Variants in CACNA1G observed in about 807,000 individuals in gnomAD.
The protein encoded by CACNA1G is voltage-dependent T-type calcium channel subunit alpha-1G.
A neutral mutation model predicts 219.4 loss-of-function variants in CACNA1G; 67 were observed. The ratio of observed to expected loss-of-function variants is 0.31; its 90% CI spans 0.25 to 0.37. CACNA1G has a LOEUF of 0.37. CACNA1G is among the 10% of genes least tolerant of loss of function. The pLI is 1.00. For missense variants in CACNA1G, 2,380 were observed against 3,231.4 expected (o/e 0.74, Z 6.39); for synonymous variants, 1,296 against 1,345.3 (o/e 0.96, Z 0.80).
intron 9 of CACNA1G, among the ~76,000 whole-genome samples, chr17:50,590,189 C>G (rs1247221566): frequency 6.6e-6 from 1 of 152,152 alleles, no homozygotes; most frequent in Non-Finnish European, 1.5e-5. Flanking sequence ...TAGGGCGGAA[C>G]CCACACCACA....
chr17:50,582,199 AC>A (rs1179640875), intron 9 of CACNA1G, among the ~76,000 whole-genome samples: 1 of 152,200 alleles, frequency 6.6e-6, no homozygotes, highest in Non-Finnish European at 1.5e-5. Context: ...CTTAACCCAG[AC>A]CAGAGAAGGA....
intron 9 of CACNA1G, among the ~76,000 whole-genome samples, chr17:50,584,498 G>A (rs1405479598): frequency 6.6e-6 from 1 of 151,876 alleles, no homozygotes; most frequent in Non-Finnish European, 1.5e-5. Context: ...GAATGAGTCT[G>A]GAGTCCCACA....
intron 9 of CACNA1G, among the ~76,000 whole-genome samples, chr17:50,587,978 G>C (rs2043335015): frequency 6.6e-6 from 1 of 152,166 alleles, no homozygotes; most frequent in African/African-American, 2.4e-5. Context: ...CACAGTAGTA[G>C]TCGGACTTTT....
chr17:50,582,314 C>T (rs1265362255), intron 9 of CACNA1G, among the ~76,000 whole-genome samples: 4 of 152,112 alleles, frequency 2.6e-5, no homozygotes, highest in Non-Finnish European at 4.4e-5. Context: ...ATGAGGGCTC[C>T]GGCAGTGGTC....
intron 1 of CACNA1G, among the ~76,000 whole-genome samples, chr17:50,567,111 C>T (rs1471213917): frequency 1.3e-5 from 2 of 152,242 alleles, no homozygotes; most frequent in Non-Finnish European, 2.9e-5. Context: ...CAGGGTGACC[C>T]CTGGCTGACC....
chr17:50,585,489 G>T (rs1408224029), intron 9 of CACNA1G, among the ~76,000 whole-genome samples: 2 of 152,170 alleles, frequency 1.3e-5, no homozygotes, highest in African/African-American at 2.4e-5. Context: ...TGGGGGTGCT[G>T]GTGGGGGGAA....
intron 35 of CACNA1G, among the ~76,000 whole-genome samples, chr17:50,623,263 ATTTTTTTTTTTT>A (rs35058899): frequency 1.7e-3 from 89 of 50,984 alleles, no homozygotes; most frequent in African/African-American, 6.8e-3. Context: ...TATCCAGCTA[ATTTTTTTTTTTT>A]TTTTTTTTTT....
intron 34 of CACNA1G, 36 bp downstream of exon 34, chr17:50,619,862 C>T (rs747909298): frequency 3.8e-5 from 59 of 1,564,072 alleles, no homozygotes; most frequent in Non-Finnish European, 5.0e-5. Context: ...TCTCCCCTGA[C>T]CGTGCTGGGC....
chr17:50,625,232 G>C (rs1414621850), intron 37 of CACNA1G, among the ~76,000 whole-genome samples: 1 of 152,212 alleles, frequency 6.6e-6, no homozygotes, highest in African/African-American at 2.4e-5. Context: ...GATTACAGGC[G>C]TGAGCCACCG....
At chr17:50,573,919 C>A (rs770015137) in intron 7 of CACNA1G, among the ~76,000 whole-genome samples, 3 of 152,230 alleles carry the variant, frequency 2.0e-5, no homozygotes, top group African/African-American at 4.8e-5. Flanking sequence ...TTAATCCTCA[C>A]CGTGATCCTC....
chr17:50,621,594 G>A lies in CACNA1G; in HGVS notation c.5926-66G>A. The A allele has an allele frequency of 6.4e-7, 1 of 1,559,970 alleles. No homozygotes were observed. Among genetic ancestry groups the A allele is most frequent in the Non-Finnish European group, 8.8e-7 (1 of 1,138,666 alleles). On this transcript the variant is annotated intron_variant, in intron 34 of 37. Coordinates refer to ENST00000359106, the MANE Select transcript of CACNA1G (RefSeq NM_018896.5). The surrounding 1 kb of genome is among the most constrained non-coding windows in gnomAD (Gnocchi z 4.6). ...GTGGGGACTGAGAGAGAGCGCGTGT[G>A]TGCGTGTGCACGCGCGTGTGCGCTG...
intron 5 of CACNA1G, among the ~76,000 whole-genome samples, chr17:50,572,269 G>A (rs2039608667): frequency 6.6e-6 from 1 of 152,146 alleles, no homozygotes; most frequent in African/African-American, 2.4e-5. Context: ...CAGCTTGGAT[G>A]TAAGGATTTT....
intron 36 of CACNA1G, 79 bp from the exon 37 acceptor site, chr17:50,624,281 T>C: frequency 7.5e-7 from 1 of 1,330,396 alleles, no homozygotes; most frequent in Non-Finnish European, 1.1e-6. Context: ...AAGGGAGGGC[T>C]CAGGTGAGAA....
chr17:50,570,025 G>A (rs1366867735), intron 4 of CACNA1G, among the ~76,000 whole-genome samples: 1 of 152,166 alleles, frequency 6.6e-6, no homozygotes, highest in East Asian at 1.9e-4. Context: ...CCTGGCTTTA[G>A]GTCAGAGTCT....
rs759807560 is a variant in CACNA1G, at chr17:50,600,858, C to T, written c.3791+32C>T. ...GACAGGGCAGGGGTCTGACCTGTGT[C>T]CCGACCTCTTCTTCTCACGGGAAAT... On this transcript the variant is annotated intron_variant, in intron 18 of 37. Transcript: ENST00000359106. The surrounding 1 kb of genome is among the most constrained non-coding windows in gnomAD (Gnocchi z 4.1). 6.3e-7 allele frequency: 1 copy of T among 1,592,504 alleles called. No homozygotes were observed. The highest frequency in any genetic ancestry group is 1.3e-5 in the African/African-American group (1 of 74,522).
At chr17:50,589,912 C>CTCTCTCTCTGTGTGTGTGTG (rs1326523232) in intron 9 of CACNA1G, among the ~76,000 whole-genome samples, 4 of 141,924 alleles carry the variant, frequency 2.8e-5, no homozygotes, top group African/African-American at 1.1e-4. Context: ...CTCTCTCTCT[C>CTCTCTCTCTGTGTGTGTGTG]TGTGTGTGTG....
Position 50,596,929 on chromosome 17 carries a change from G to C in CACNA1G, c.3258+6G>C. 2.0e-6 allele frequency: 3 copies of C among 1,535,862 alleles called. No homozygotes were observed. Among genetic ancestry groups the C allele is most frequent in the Non-Finnish European group, 1.8e-6 (2 of 1,140,504 alleles). On this transcript the variant is annotated splice_donor_region_variant and intron_variant, in intron 16 of 37. Transcript: ENST00000359106. The surrounding 1 kb of genome is among the most constrained non-coding windows in gnomAD (Gnocchi z 4.8). ...CCCACGAGATGAAGTCACCGGTAGG[G>C]GGTGCATGTGGGTACCCTGATGGTG...
At chr17:50,582,752 G>A (rs868279979) in intron 9 of CACNA1G, among the ~76,000 whole-genome samples, 50 of 152,158 alleles carry the variant, frequency 3.3e-4, no homozygotes, top group African/African-American at 9.2e-4. Context: ...TTCTAGAAGA[G>A]GGACAACAGC....
At chr17:50,606,870 C>T in intron 23 of CACNA1G, 30 bp from the exon 24 acceptor site, 3 of 1,556,552 alleles carry the variant, frequency 1.9e-6, no homozygotes, top group Non-Finnish European at 2.7e-6. Flanking sequence ...TCCTAGACTT[C>T]AAATGTCTCC....
Sources: allele counts gnomAD v4.1 joint callset (sites outside exome capture counted in the v4.1 genomes callset), GRCh38; gene constraint gnomAD v4.1.1; non-coding constraint Gnocchi (gnomAD v3.1); transcripts MANE v1.5; gene names NCBI Gene and HGNC (gene_info 2026-07-23, HGNC 2026-07-21).